The following CDH12 variants were observed in gnomAD, a reference collection of about 807,000 sequenced individuals.
CDH12 encodes the protein cadherin-12.
CDH12 carries 41 observed loss-of-function variants against 74.1 expected under a neutral mutation model. The observed-to-expected ratio is 0.55, with a 90% CI of 0.43 to 0.72. The LOEUF (loss-of-function observed/expected upper bound fraction) is 0.72. Ranked by LOEUF, CDH12 falls within the 30% of genes least tolerant of loss-of-function variation. CDH12 has a pLI of 0.00. For missense variants in CDH12, 945 were observed against 977.2 expected (o/e 0.97, Z 0.44); for synonymous variants, 399 against 355.0 (o/e 1.12, Z -1.39).
At chr5:22,576,341 G>A (rs1170065924) in intron 1 of CDH12, among the ~76,000 whole-genome samples, 1 of 152,142 alleles carries the variant, frequency 6.6e-6, no homozygotes, top group African/African-American at 2.4e-5. Context: ...CCTGTCCAGA[G>A]AGGAAAAGAC....
rs1305923674 is a variant in CDH12 at position 21,854,717 on chromosome 5, G to A, written c.600C>T (p.Tyr200=). The part of the protein sequence containing the change: ...PTYGNSARVV[Y]SILQGQPYFS... Reference sequence around the variant, plus strand: ...AATAAGGTTGTCCCTGAAGAATGCTGTAAACGACTCTGGCACTGTTTCCAT... The same window carrying A: ...AATAAGGTTGTCCCTGAAGAATGCTATAAACGACTCTGGCACTGTTTCCAT... The change falls in exon 7 of 15, where the codon TAC becomes TAT. Residue 200 remains tyrosine, a synonymous_variant. Transcript: ENST00000382254. The A allele has an allele frequency of 8.8e-7, 1 of 1,140,506 alleles. No homozygotes were observed. The highest frequency in any genetic ancestry group is 3.7e-5 in the East Asian group (1 of 27,348). 70.6% of individuals were successfully genotyped at this position (1,140,506 alleles called of 1,614,324 possible). A position where few individuals can be genotyped will look rare whatever the true frequency, so the allele number is the denominator to read the frequency against.
intron 1 of CDH12, among the ~76,000 whole-genome samples, chr5:22,520,182 T>C (rs991801661): frequency 2.6e-5 from 4 of 152,150 alleles, no homozygotes; most frequent in African/African-American, 9.7e-5. Flanking sequence ...ACCAGCTCAA[T>C]AGGTAACAAA....
intron 11 of CDH12, among the ~76,000 whole-genome samples, chr5:21,778,928 G>T (rs929707593): frequency 2.6e-5 from 4 of 152,010 alleles, no homozygotes; most frequent in Non-Finnish European, 4.4e-5. Flanking sequence ...ACATAAAATA[G>T]CTATATAGAA....
At chr5:21,938,366 G>A (rs1165456842) in intron 6 of CDH12, among the ~76,000 whole-genome samples, 1 of 151,956 alleles carries the variant, frequency 6.6e-6, no homozygotes, top group Non-Finnish European at 1.5e-5. Context: ...CCTTCAAGGA[G>A]CTTACAGTCT....
intron 1 of CDH12, among the ~76,000 whole-genome samples, chr5:22,547,749 G>C (rs891689009): frequency 6.6e-6 from 1 of 152,066 alleles, no homozygotes; most frequent in East Asian, 1.9e-4. Flanking sequence ...AGCTTATTTA[G>C]TGTTTAAATA....
intron 2 of CDH12, among the ~76,000 whole-genome samples, chr5:22,406,378 C>T (rs893693954): frequency 1.3e-5 from 2 of 152,068 alleles, no homozygotes; most frequent in Admixed American, 6.6e-5. Context: ...CAGTCATTGA[C>T]ATGATAATGC....
At chr5:22,846,829 A>G (rs1268082530) in intron 1 of CDH12, among the ~76,000 whole-genome samples, 5 of 152,112 alleles carry the variant, frequency 3.3e-5, no homozygotes, top group Non-Finnish European at 7.4e-5. Context: ...CACATGCCAT[A>G]TATTTTCATT....
chr5:21,964,010 T>C (rs2150112319), intron 6 of CDH12, among the ~76,000 whole-genome samples: 1 of 152,194 alleles, frequency 6.6e-6, no homozygotes, highest in East Asian at 1.9e-4. Context: ...CTTAGGTGAC[T>C]TATTAGGAAA....
chr5:22,710,031 C>T (rs991962687), intron 1 of CDH12, among the ~76,000 whole-genome samples: 1 of 152,134 alleles, frequency 6.6e-6, no homozygotes, highest in African/African-American at 2.4e-5. Flanking sequence ...AAAGGTAGCT[C>T]AGGTTTCTAA....
intron 4 of CDH12, among the ~76,000 whole-genome samples, chr5:22,121,955 A>C (rs1745539210): frequency 6.6e-6 from 1 of 152,088 alleles, no homozygotes; most frequent in Admixed American, 6.6e-5. Flanking sequence ...TGAACAGGTT[A>C]GCTTCAAAGT....
intron 4 of CDH12, among the ~76,000 whole-genome samples, chr5:22,135,918 C>G (rs1746432992): frequency 6.6e-6 from 1 of 151,654 alleles, no homozygotes; most frequent in African/African-American, 2.4e-5. Flanking sequence ...TTGCCCCTGC[C>G]CTCTTGACTC....
chr5:22,467,968 CTGA>C (rs753883861), intron 2 of CDH12, among the ~76,000 whole-genome samples: 1 of 152,200 alleles, frequency 6.6e-6, no homozygotes, highest in Non-Finnish European at 1.5e-5. Flanking sequence ...CTTCCTTAGT[CTGA>C]TGTTCTGGGC....
intron 1 of CDH12, among the ~76,000 whole-genome samples, chr5:22,721,372 T>C (rs1038963932): frequency 4.6e-5 from 7 of 152,222 alleles, no homozygotes; most frequent in Admixed American, 4.6e-4. Context: ...TATTTCGGAT[T>C]TGCATGGGGC....
intron 4 of CDH12, among the ~76,000 whole-genome samples, chr5:22,184,464 T>C (rs10473580): frequency 6.6e-6 from 1 of 152,208 alleles, no homozygotes; most frequent in Admixed American, 6.5e-5. Context: ...TCCTTCTTCA[T>C]CCATTCCTCA....
intron 3 of CDH12, among the ~76,000 whole-genome samples, chr5:22,251,364 T>C (rs1036131454): frequency 7.2e-5 from 11 of 152,134 alleles, no homozygotes; most frequent in Non-Finnish European, 1.0e-4. Context: ...TTTGTTGAAG[T>C]AGAGAATCTA....
At chr5:22,829,522 C>T (rs1387802639) in intron 1 of CDH12, among the ~76,000 whole-genome samples, 1 of 152,148 alleles carries the variant, frequency 6.6e-6, no homozygotes. Context: ...TCTTGGTCTA[C>T]TGATAGGAGG....
intron 1 of CDH12, among the ~76,000 whole-genome samples, chr5:22,758,768 A>G (rs1423058250): frequency 6.6e-6 from 1 of 152,190 alleles, no homozygotes; most frequent in East Asian, 1.9e-4. Context: ...TTTATTTATA[A>G]TGGTCAATGG....
intron 3 of CDH12, among the ~76,000 whole-genome samples, chr5:22,335,717 CA>C (rs1739553667): frequency 6.6e-6 from 1 of 152,154 alleles, no homozygotes; most frequent in Non-Finnish European, 1.5e-5. Flanking sequence ...CCTCCCCAGC[CA>C]CATGGAACTG....
chr5:22,646,667 C>G (rs1389150932), intron 1 of CDH12, among the ~76,000 whole-genome samples: 1 of 151,674 alleles, frequency 6.6e-6, no homozygotes, highest in Non-Finnish European at 1.5e-5. Context: ...ACAACAACAC[C>G]AACAATGAAA....
Sources: allele counts gnomAD v4.1 joint callset (sites outside exome capture counted in the v4.1 genomes callset), GRCh38; gene constraint gnomAD v4.1.1; transcripts MANE v1.5; gene names NCBI Gene and HGNC (gene_info 2026-07-23, HGNC 2026-07-21).